LHFPL3: variants seen among roughly 807,000 people sequenced by gnomAD.
The protein encoded by LHFPL3 is LHFPL tetraspan subfamily member 3.
Under a neutral mutation model 19.3 loss-of-function variants are expected in LHFPL3, and 5 were observed. The observed-to-expected ratio is 0.26, with a 90% CI of 0.14 to 0.54. The LOEUF (loss-of-function observed/expected upper bound fraction) is 0.54, where lower values mean the gene tolerates loss of function less well. LHFPL3 is among the 20% of genes least tolerant of loss of function. The pLI is 0.94. For synonymous variants in LHFPL3, 133 were observed against 126.2 expected (o/e 1.05, Z -0.36); for missense variants, 249 against 307.4 (o/e 0.81, Z 1.42).
At chr7:104,728,837 CT>C (rs1226985933) in intron 1 of LHFPL3, among the ~76,000 whole-genome samples, 3 of 152,008 alleles carry the variant, frequency 2.0e-5, no homozygotes, top group Non-Finnish European at 4.4e-5. Flanking sequence ...GTGCTTGGTA[CT>C]TCATAGGAGA....
Position 104,737,932 on chromosome 7 carries a change from C to T in LHFPL3, c.682+1021C>T, listed in dbSNP as rs28461544. Among the ~76,000 whole-genome samples the T allele has an allele frequency of 6.2e-3, 945 of 152,244 alleles. 10 individuals carry two copies. The highest frequency in any genetic ancestry group is 0.022 in the African/African-American group (906 of 41,556). ...TAAGTATATACTAGTTTCTACATAA[C>T]TGTCACATGTAATGATATAGCAGGC... On this transcript the variant is annotated intron_variant, in intron 2 of 2. Coordinates refer to ENST00000424859, the MANE Select transcript of LHFPL3 (RefSeq NM_199000.3).
intron 1 of LHFPL3, among the ~76,000 whole-genome samples, chr7:104,649,409 G>C (rs1791988525): frequency 6.6e-6 from 1 of 152,198 alleles, no homozygotes; most frequent in Non-Finnish European, 1.5e-5. Context: ...CAATAACAGA[G>C]TGGGGGAGAG....
At chr7:104,639,016 C>T (rs755424081) in intron 1 of LHFPL3, among the ~76,000 whole-genome samples, 38 of 152,090 alleles carry the variant, frequency 2.5e-4, no homozygotes, top group Admixed American at 4.6e-4. Context: ...CCTCCCCACT[C>T]AGCCTCCCAA....
At chr7:104,825,412 C>T (rs1790798246) in intron 2 of LHFPL3, among the ~76,000 whole-genome samples, 1 of 151,824 alleles carries the variant, frequency 6.6e-6, no homozygotes, top group Non-Finnish European at 1.5e-5. Flanking sequence ...AGGATCAAAT[C>T]TTAGCTCTGT....
At chr7:104,390,381 C>G (rs1009644471) in intron 1 of LHFPL3, among the ~76,000 whole-genome samples, 1 of 150,882 alleles carries the variant, frequency 6.6e-6, no homozygotes, top group Non-Finnish European at 1.5e-5. Flanking sequence ...TGTTCCCCAA[C>G]CTGTGTCCAA....
intron 2 of LHFPL3, among the ~76,000 whole-genome samples, chr7:104,790,445 T>G (rs1309187087): frequency 6.6e-6 from 1 of 152,102 alleles, no homozygotes; most frequent in Non-Finnish European, 1.5e-5. Flanking sequence ...TACGTATGTC[T>G]CCTTTCTGGA....
chr7:104,831,530 G>T (rs1020972999), intron 2 of LHFPL3, among the ~76,000 whole-genome samples: 1 of 151,788 alleles, frequency 6.6e-6, no homozygotes, highest in Non-Finnish European at 1.5e-5. Flanking sequence ...TCCATGGTGG[G>T]CCTGCAGCCC....
Position 104,501,295 on chromosome 7 carries a change from G to T in LHFPL3, c.445+172071G>T, listed in dbSNP as rs572920501. Among the ~76,000 whole-genome samples, 3 of 152,216 alleles carry T rather than the reference G, an allele frequency of 2.0e-5. No homozygotes were observed. The South Asian group carries it at 6.2e-4, about 32-fold the overall frequency. ...TTTTAATGCTGCTTTCCTTTCAACA[G>T]CATTCGTTCTACTAATTTAAAAGCT... On this transcript the variant is annotated intron_variant, in intron 1 of 2. Coordinates refer to ENST00000424859, the MANE Select transcript of LHFPL3 (RefSeq NM_199000.3).
chr7:104,543,118 A>C (rs1794519276), intron 1 of LHFPL3, among the ~76,000 whole-genome samples: 1 of 152,178 alleles, frequency 6.6e-6, no homozygotes. Context: ...ACACATGGAC[A>C]CAGGGAGGGG....
chr7:104,837,618 T>C (rs1307650224), intron 2 of LHFPL3, among the ~76,000 whole-genome samples: 1 of 151,616 alleles, frequency 6.6e-6, no homozygotes, highest in African/African-American at 2.4e-5. Context: ...ACCAACTTTA[T>C]TTTTTTTTAT....
intron 1 of LHFPL3, among the ~76,000 whole-genome samples, chr7:104,339,115 G>A (rs1041441204): frequency 1.3e-5 from 2 of 152,146 alleles, no homozygotes; most frequent in Non-Finnish European, 2.9e-5. Context: ...AGGTGTGATG[G>A]CGAGTGCCTG....
intron 1 of LHFPL3, among the ~76,000 whole-genome samples, chr7:104,598,219 C>G (rs1160409137): frequency 1.3e-5 from 2 of 152,140 alleles, no homozygotes; most frequent in African/African-American, 4.8e-5. Context: ...CAAACAATAG[C>G]CAACACCACA....
chr7:104,536,575 C>T (rs920244481), intron 1 of LHFPL3, among the ~76,000 whole-genome samples: 3 of 152,108 alleles, frequency 2.0e-5, no homozygotes, highest in African/African-American at 7.2e-5. Flanking sequence ...GTTGGAAGAA[C>T]CTATCGATCT....
chr7:104,487,888 G>T (rs973756760), intron 1 of LHFPL3, among the ~76,000 whole-genome samples: 1 of 152,098 alleles, frequency 6.6e-6, no homozygotes, highest in Admixed American at 6.5e-5. Context: ...ATGTAGGGAG[G>T]GGCAAGGGTA....
chr7:104,772,709 C>A (rs557271760), intron 2 of LHFPL3, among the ~76,000 whole-genome samples: 2 of 152,368 alleles, frequency 1.3e-5, no homozygotes, highest in African/African-American at 4.8e-5. Context: ...TCAGCTCCTG[C>A]CTCTGAGAGT....
intron 2 of LHFPL3, among the ~76,000 whole-genome samples, chr7:104,749,908 AT>A (rs1794129450): frequency 6.6e-6 from 1 of 152,120 alleles, no homozygotes; most frequent in African/African-American, 2.4e-5. Context: ...TTCTTGATTT[AT>A]TTTAGCCTCA....
chr7:104,533,856 ATGATATTGTCCTAT>A (rs1251996437), intron 1 of LHFPL3, among the ~76,000 whole-genome samples: 3 of 151,952 alleles, frequency 2.0e-5, no homozygotes, highest in African/African-American at 7.3e-5. Flanking sequence ...TCTCTCTCTG[ATGATATTGTCCTAT>A]GAGGTCTTGG....
intron 1 of LHFPL3, among the ~76,000 whole-genome samples, chr7:104,439,109 A>G (rs2116576784): frequency 6.6e-6 from 1 of 152,312 alleles, no homozygotes; most frequent in African/African-American, 2.4e-5. Flanking sequence ...ATTCCCTTAC[A>G]GAACAAACTT....
At chr7:104,384,746 C>T (rs1376654911) in intron 1 of LHFPL3, among the ~76,000 whole-genome samples, 2 of 144,180 alleles carry the variant, frequency 1.4e-5, no homozygotes, top group African/African-American at 5.2e-5. Flanking sequence ...AAGATCGTGC[C>T]ACTGTACTCC....
Sources: gnomAD v4.1 joint callset for allele counts (sites outside exome capture counted in the v4.1 genomes callset) on GRCh38, gnomAD v4.1.1 for gene constraint, MANE v1.5 for transcripts, NCBI Gene and HGNC (gene_info 2026-07-23, HGNC 2026-07-21) for gene names.